The following VANGL1 variants were observed in gnomAD, a reference collection of about 807,000 sequenced individuals.
VANGL1 encodes VANGL planar cell polarity protein 1.
A neutral mutation model predicts 48.4 loss-of-function variants in VANGL1; 18 were observed. That is an observed-to-expected ratio of 0.37 (90% CI 0.26 to 0.55). The LOEUF (loss-of-function observed/expected upper bound fraction) is 0.55. Among genes scored for constraint, VANGL1 ranks in the 20% least tolerant of loss-of-function variants. The probability of loss-of-function intolerance (pLI) is 0.81; values close to 1 mark genes in which losing one functional copy is unlikely to be tolerated. For missense variants in VANGL1, 667 were observed against 675.8 expected (o/e 0.99, Z 0.14); for synonymous variants, 257 against 261.8 (o/e 0.98, Z 0.18).
chr1:115,680,868 G>A (rs146923390), intron 4 of VANGL1, among the ~76,000 whole-genome samples: 121 of 152,320 alleles, frequency 7.9e-4, no homozygotes, highest in African/African-American at 2.7e-3. Flanking sequence ...CCCCATCCTG[G>A]TGCTCTGGCT....
In VANGL1 at chr1:115,691,451, G is replaced by A; in HGVS notation, c.*72G>A. 1.3e-6 allele frequency: 2 copies of A among 1,490,604 alleles called. No individual in the cohort carries two copies. The highest frequency in any genetic ancestry group is 1.8e-6 in the Non-Finnish European group (2 of 1,112,370). The allele number at this position is 1,490,604 out of a possible 1,614,324, so 92.3% of individuals were successfully genotyped here. On this transcript the variant is annotated 3_prime_UTR_variant, in exon 8 of 8. Coordinates refer to ENST00000355485, the MANE Select transcript of VANGL1 (RefSeq NM_138959.3). The stretch of plus-strand genomic sequence containing the variant: ...GAGAGATATATATCTATGCCAGAGG[G>A]GTGTCTTTTTTAAAAATTCTTCTTC...
chr1:115,682,353 T>A lies in VANGL1; in HGVS notation c.813-11T>A. 1 of 1,614,014 alleles carries A rather than the reference T, an allele frequency of 6.2e-7. No homozygotes were observed. The highest frequency in any genetic ancestry group is 8.5e-7 in the Non-Finnish European group (1 of 1,180,012). ...AAAAGCTTTGCATTAATTTTGTTCT[T>A]TTTTTCTCAGTATCCAGCGAGCAGC... On this transcript the variant is annotated splice_polypyrimidine_tract_variant and intron_variant, in intron 4 of 7. Coordinates refer to ENST00000355485, the MANE Select transcript of VANGL1 (RefSeq NM_138959.3).
rs181008715 is a variant in VANGL1 at position 115,694,763 on chromosome 1, A to G, written c.*3384A>G. On this transcript the variant is annotated 3_prime_UTR_variant, in exon 8 of 8. Transcript: ENST00000355485. ...TTTGTTTGTGCGTTTTTATTTCCAT[A>G]TATGTGAGCATTTCTCTGAGTGTAT... is the stretch of plus-strand genomic sequence containing the variant. 3.7e-4 allele frequency: 56 copies of G among 152,264 alleles called. No individual in the cohort carries two copies. The highest frequency in any genetic ancestry group is 1.3e-3 in the African/African-American group (55 of 41,542). 9.4% of individuals were successfully genotyped at this position (152,264 alleles called of 1,614,324 possible). A position where few individuals can be genotyped will look rare whatever the true frequency, so the allele number is the denominator to read the frequency against.
chr1:115,643,635 A>G (rs1329613289), intron 1 of VANGL1, among the ~76,000 whole-genome samples: 1 of 152,186 alleles, frequency 6.6e-6, no homozygotes, highest in Non-Finnish European at 1.5e-5. Context: ...TTAATTTGTA[A>G]GTAAAATGGG....
intron 6 of VANGL1, among the ~76,000 whole-genome samples, 198 bp from the exon 7 acceptor site, chr1:115,685,095 C>T (rs1653545707): frequency 6.6e-6 from 1 of 152,172 alleles, no homozygotes; most frequent in African/African-American, 2.4e-5. Flanking sequence ...CCCTGTTCCA[C>T]ATGTTATTTT....
At chr1:115,650,907 T>A (rs1312435548) in intron 1 of VANGL1, among the ~76,000 whole-genome samples, 1 of 151,768 alleles carries the variant, frequency 6.6e-6, no homozygotes, top group Non-Finnish European at 1.5e-5. Flanking sequence ...CGCTGGGTAT[T>A]GTTTTTTTAA....
At chr1:115,643,561 T>A (rs1399593152) in intron 1 of VANGL1, among the ~76,000 whole-genome samples, 1 of 152,208 alleles carries the variant, frequency 6.6e-6, no homozygotes, top group East Asian at 1.9e-4. Context: ...TCAGTATAAT[T>A]AGTGAAAACA....
intron 4 of VANGL1, among the ~76,000 whole-genome samples, chr1:115,678,590 A>G (rs905897218): frequency 6.6e-6 from 1 of 152,196 alleles, no homozygotes; most frequent in African/African-American, 2.4e-5. Flanking sequence ...GCTCACTGTT[A>G]AGATGCGTAA....
intron 4 of VANGL1, among the ~76,000 whole-genome samples, chr1:115,680,845 G>A (rs1023924895): frequency 6.6e-6 from 1 of 152,178 alleles, no homozygotes; most frequent in African/African-American, 2.4e-5. Flanking sequence ...GGTCATCCAG[G>A]AATCAAAGGG....
At chr1:115,658,660 G>T (rs1195477454) in intron 2 of VANGL1, among the ~76,000 whole-genome samples, 1 of 152,166 alleles carries the variant, frequency 6.6e-6, no homozygotes, top group Non-Finnish European at 1.5e-5. Context: ...AGGTGGCTGT[G>T]GGGGCAGGAG....
At chr1:115,682,297 A>AT in intron 4 of VANGL1, 67 bp from the exon 5 acceptor site, 2 of 1,600,262 alleles carry the variant, frequency 1.2e-6, no homozygotes, top group Non-Finnish European at 1.7e-6. Flanking sequence ...CCAAAAGAGG[A>AT]TTTTTCGTTT....
chr1:115,643,298 C>T (rs73005551), intron 1 of VANGL1, among the ~76,000 whole-genome samples: 1 of 152,126 alleles, frequency 6.6e-6, no homozygotes, highest in Non-Finnish European at 1.5e-5. Context: ...TTAGCATTCT[C>T]CCGTCAGTGG....
chr1:115,643,909 G>T (rs1294128146), intron 1 of VANGL1, among the ~76,000 whole-genome samples: 1 of 152,150 alleles, frequency 6.6e-6, no homozygotes, highest in African/African-American at 2.4e-5. Context: ...GGTGGGATGG[G>T]CCCTTGTCAC....
intron 5 of VANGL1, 38 bp from the exon 6 acceptor site, chr1:115,683,906 G>A: frequency 6.2e-7 from 1 of 1,609,486 alleles, no homozygotes; most frequent in Non-Finnish European, 8.5e-7. Flanking sequence ...CCACCCTCGT[G>A]GTATTAACAC....
In VANGL1 at chr1:115,691,723, C is replaced by T. The variant is rs529973396; in HGVS notation, c.*344C>T. Reference sequence around the variant, plus strand: ...GCCTTTCGTCCAGTACCAAGTCCCCCGTTGCTTCTGGTCAGCCCACTTGTA... The same window carrying T: ...GCCTTTCGTCCAGTACCAAGTCCCCTGTTGCTTCTGGTCAGCCCACTTGTA... On this transcript the variant is annotated 3_prime_UTR_variant, in exon 8 of 8. Transcript: ENST00000355485. The T allele has an allele frequency of 1.7e-4, 41 of 240,966 alleles. No homozygotes were observed. Among genetic ancestry groups the T allele is most frequent in the Non-Finnish European group, 2.7e-4 (33 of 124,438 alleles). The allele number at this position is 240,966 out of a possible 1,614,324, so 14.9% of individuals were successfully genotyped here. A position where few individuals can be genotyped will look rare whatever the true frequency, so the allele number is the denominator to read the frequency against.
intron 7 of VANGL1, among the ~76,000 whole-genome samples, chr1:115,688,072 G>T (rs1302543821): frequency 7.3e-6 from 1 of 136,250 alleles, no homozygotes; most frequent in East Asian, 2.0e-4. Flanking sequence ...CATAGATAGA[G>T]ATTTACATAC....
chr1:115,686,370 CAAAAAAAAAA>C (rs10667490), intron 7 of VANGL1, among the ~76,000 whole-genome samples: 7 of 104,952 alleles, frequency 6.7e-5, no homozygotes, highest in Non-Finnish European at 1.1e-4. Context: ...AGACTCCGTC[CAAAAAAAAAA>C]AAAAAAAAAA....
chr1:115,669,409 T>G (rs1652896625), intron 4 of VANGL1, among the ~76,000 whole-genome samples: 1 of 152,214 alleles, frequency 6.6e-6, no homozygotes, highest in Non-Finnish European at 1.5e-5. Flanking sequence ...AGCTTATAAA[T>G]TGACACTGAC....
chr1:115,689,469 T>C lies in VANGL1; in HGVS notation c.1315-1650T>C, dbSNP rs1653754422. On this transcript the variant is annotated intron_variant, in intron 7 of 7. Transcript: ENST00000355485. The stretch of plus-strand genomic sequence containing the variant: ...CCACATGGTGAAACTCCGTCTCTAC[T>C]AAAAATACAAAAAAAAAATTAGCCA... 1.5e-5 allele frequency among the ~76,000 whole-genome samples: 2 copies of C among 134,680 alleles called. 1 individual carries two copies. The highest frequency in any genetic ancestry group is 4.2e-4 in the East Asian group (2 of 4,770). The allele number at this position is 134,680 out of a possible 152,430, so 88.4% of individuals were successfully genotyped here.
Sources: allele counts gnomAD v4.1 joint callset (sites outside exome capture counted in the v4.1 genomes callset), GRCh38; gene constraint gnomAD v4.1.1; transcripts MANE v1.5; gene names NCBI Gene and HGNC (gene_info 2026-07-23, HGNC 2026-07-21).